Variants in APBB2 observed in about 807,000 individuals in gnomAD.
APBB2 encodes Fe65-like 1.
A neutral mutation model predicts 82.5 loss-of-function variants in APBB2; 38 were observed. That is an observed-to-expected ratio of 0.46 (90% CI 0.36 to 0.60). The LOEUF (loss-of-function observed/expected upper bound fraction) is 0.60. Ranked by LOEUF, APBB2 falls within the 20% of genes least tolerant of loss-of-function variation. APBB2 has a pLI of 0.00. For synonymous variants in APBB2, 341 were observed against 368.2 expected, an observed-to-expected ratio of 0.93 and a Z score of 0.85; for missense variants, 772 against 972.3, an observed-to-expected ratio of 0.79 and a Z score of 2.74.
intron 10 of APBB2, among the ~76,000 whole-genome samples, chr4:40,899,141 G>T (rs1228611187): frequency 6.6e-6 from 1 of 152,204 alleles, no homozygotes; most frequent in Non-Finnish European, 1.5e-5. Context: ...ACCTGTCTGT[G>T]TCTCAATGTC....
chr4:41,005,548 G>C (rs1208610996), intron 6 of APBB2, among the ~76,000 whole-genome samples: 1 of 152,016 alleles, frequency 6.6e-6, no homozygotes, highest in African/African-American at 2.4e-5. Flanking sequence ...ACAATCTTGG[G>C]GGCTGCATGC....
chr4:40,893,128 C>A, intron 11 of APBB2, 137 bp downstream of exon 11: 1 of 1,055,270 alleles, frequency 9.5e-7, no homozygotes, highest in Non-Finnish European at 1.4e-6. Flanking sequence ...CATGCCTACA[C>A]TTCCTGCATT....
chr4:40,963,398 C>A (rs1408763493), intron 6 of APBB2, among the ~76,000 whole-genome samples: 1 of 152,160 alleles, frequency 6.6e-6, no homozygotes, highest in African/African-American at 2.4e-5. Context: ...AGGTATGCAC[C>A]ATCACACCCA....
intron 12 of APBB2, chr4:40,848,870 AC>A: frequency 1.0e-6 from 1 of 985,158 alleles, no homozygotes; most frequent in Non-Finnish European, 1.2e-6. Context: ...CTCCAAAAGA[AC>A]CCTGAGGATC....
intron 6 of APBB2, among the ~76,000 whole-genome samples, chr4:40,997,261 C>T (rs1803886367): frequency 6.6e-6 from 1 of 152,184 alleles, no homozygotes; most frequent in Non-Finnish European, 1.5e-5. Context: ...AGCCTTCTTA[C>T]TTGGCAATAC....
Position 41,014,267 on chromosome 4 carries a change from C to T in APBB2, c.151G>A (p.Ala51Thr), listed in dbSNP as rs775438852. Residue 51 changes from alanine (A) to threonine (T), a missense_variant, in exon 6 of 18, where the codon GCT becomes ACT. Ala to Thr is a moderately conservative substitution (Grantham distance 58). Transcript: ENST00000508593. ...LRSSHNELLN[A>T]EIKHTETKNS... ...TTGGTTTCTGTGTGTTTTATTTCAG[C>T]GTTCAACAGTTCATTGTGGGAGGAT... 1.7e-5 allele frequency: 28 copies of T among 1,613,986 alleles called. No individual in the cohort carries two copies. The highest frequency in any genetic ancestry group is 4.0e-5 in the African/African-American group (3 of 74,888).
At chr4:41,058,854 A>G (rs1440168459) in intron 4 of APBB2, among the ~76,000 whole-genome samples, 1 of 152,204 alleles carries the variant, frequency 6.6e-6, no homozygotes, top group Non-Finnish European at 1.5e-5. Flanking sequence ...AACACGTGGA[A>G]AAACTGAGGG....
chr4:40,888,086 C>T (rs1371874652), intron 12 of APBB2, among the ~76,000 whole-genome samples: 1 of 152,204 alleles, frequency 6.6e-6, no homozygotes, highest in African/African-American at 2.4e-5. Context: ...AAAAGGAAGC[C>T]ATGTCATTAG....
intron 1 of APBB2, among the ~76,000 whole-genome samples, chr4:41,147,483 T>G (rs575536072): frequency 5.1e-4 from 67 of 132,126 alleles, no homozygotes; most frequent in Middle Eastern, 3.7e-3. Context: ...TTGGCCAGCT[T>G]TTTTTTTTTT....
chr4:41,030,531 C>T (rs1716342546), intron 5 of APBB2, among the ~76,000 whole-genome samples: 1 of 152,138 alleles, frequency 6.6e-6, no homozygotes, highest in Non-Finnish European at 1.5e-5. Context: ...TCCCAAGTAG[C>T]TGGAGCTACA....
At chr4:40,861,315 A>C (rs1288078665) in intron 12 of APBB2, among the ~76,000 whole-genome samples, 1 of 151,724 alleles carries the variant, frequency 6.6e-6, no homozygotes, top group Non-Finnish European at 1.5e-5. Context: ...ACACCGCTGC[A>C]CTCCAGCCTG....
At chr4:40,858,802 C>T (rs1448800902) in intron 12 of APBB2, among the ~76,000 whole-genome samples, 1 of 152,202 alleles carries the variant, frequency 6.6e-6, no homozygotes, top group African/African-American at 2.4e-5. Context: ...AGATTTAACT[C>T]ATGCTGTTTC....
At chr4:41,161,143 T>C (rs1765034201) in intron 1 of APBB2, among the ~76,000 whole-genome samples, 1 of 130,414 alleles carries the variant, frequency 7.7e-6, no homozygotes, top group Non-Finnish European at 1.5e-5. Context: ...TATTACAGAA[T>C]GCTGCAGCTA....
chr4:40,955,268 C>A (rs939614207), intron 6 of APBB2, among the ~76,000 whole-genome samples: 7 of 152,122 alleles, frequency 4.6e-5, no homozygotes, highest in Non-Finnish European at 8.8e-5. Context: ...GAGAGAACAG[C>A]ATTTCTGAAA....
chr4:41,193,008 T>G (rs1774910041), intron 1 of APBB2, among the ~76,000 whole-genome samples: 1 of 152,220 alleles, frequency 6.6e-6, no homozygotes, highest in African/African-American at 2.4e-5. Flanking sequence ...TGATTTCTAG[T>G]AGTGAGCTTG....
intron 1 of APBB2, among the ~76,000 whole-genome samples, chr4:41,187,638 G>A (rs1436300930): frequency 6.6e-6 from 1 of 152,178 alleles, no homozygotes; most frequent in Non-Finnish European, 1.5e-5. Flanking sequence ...CATGGTCATT[G>A]TAAGAATTAA....
chr4:40,966,588 C>T (rs1161706266), intron 6 of APBB2, among the ~76,000 whole-genome samples: 1 of 152,244 alleles, frequency 6.6e-6, no homozygotes, highest in Non-Finnish European at 1.5e-5. Flanking sequence ...GTTCCTGCTG[C>T]CTGGCCTCTC....
chr4:41,105,442 C>A (rs932534097), intron 2 of APBB2, among the ~76,000 whole-genome samples: 1 of 152,108 alleles, frequency 6.6e-6, no homozygotes, highest in African/African-American at 2.4e-5. Flanking sequence ...GAGCTCCAGA[C>A]AAATCAGTCA....
chr4:41,119,354 C>G (rs1001090419), intron 2 of APBB2, among the ~76,000 whole-genome samples: 3 of 151,818 alleles, frequency 2.0e-5, no homozygotes, highest in African/African-American at 7.3e-5. Flanking sequence ...TAAACTTAAT[C>G]TCATGCATTT....
Sources: allele counts gnomAD v4.1 joint callset (sites outside exome capture counted in the v4.1 genomes callset), GRCh38; gene constraint gnomAD v4.1.1; transcripts MANE v1.5; gene names NCBI Gene and HGNC (gene_info 2026-07-23, HGNC 2026-07-21).